Variants in PTBP3 observed in about 807,000 individuals in gnomAD.
PTBP3 encodes the protein polypyrimidine tract binding protein 3.
In PTBP3, 20 loss-of-function variants were observed where a neutral mutation model predicts 58.7. That is an observed-to-expected ratio of 0.34 (90% CI 0.24 to 0.50). The LOEUF is 0.50. Ranked by LOEUF, PTBP3 falls within the 20% of genes least tolerant of loss-of-function variation. The probability of loss-of-function intolerance (pLI) is 0.98; values close to 1 mark genes in which losing one functional copy is unlikely to be tolerated. For missense variants in PTBP3, 509 were observed against 637.2 expected, an observed-to-expected ratio of 0.80 and a Z score of 2.17; for synonymous variants, 185 against 219.8, an observed-to-expected ratio of 0.84 and a Z score of 1.40.
At chr9:112,277,034 A>C (rs573099672) in intron 2 of PTBP3, among the ~76,000 whole-genome samples, 7 of 152,360 alleles carry the variant, frequency 4.6e-5, no homozygotes, top group African/African-American at 1.7e-4. Flanking sequence ...GAAACTTTAC[A>C]ATCAAATGTC....
chr9:112,231,269 G>C (rs1835187606), intron 10 of PTBP3, 111 bp downstream of exon 10: 2 of 757,154 alleles, frequency 2.6e-6, no homozygotes, highest in East Asian at 5.8e-5. Flanking sequence ...TTTATCCTCA[G>C]TGTCAGCACA....
chr9:112,239,107 T>C (rs187108727), intron 7 of PTBP3, among the ~76,000 whole-genome samples: 2 of 152,298 alleles, frequency 1.3e-5, no homozygotes, highest in Admixed American at 1.3e-4. Flanking sequence ...AGTCCAAGTG[T>C]CCTAATTTCT....
Position 112,222,915 on chromosome 9 carries a change from CT to C in PTBP3, c.*935del. 3 of 877,884 alleles carry C rather than the reference CT, an allele frequency of 3.4e-6. No individual in the cohort carries two copies. The highest frequency in any genetic ancestry group is 4.1e-6 in the Non-Finnish European group (3 of 731,876). 54.4% of individuals were successfully genotyped at this position (877,884 alleles called of 1,614,324 possible). A position where few individuals can be genotyped will look rare whatever the true frequency, so the allele number is the denominator to read the frequency against. ...TAAAAGAAGACCTTACCAAAAATAA[CT>C]TTTAAAAAATCTGTCAAACCATATG... On this transcript the variant is annotated 3_prime_UTR_variant, in exon 14 of 14. Coordinates refer to ENST00000374257, the MANE Select transcript of PTBP3 (RefSeq NM_001163788.4).
the PTBP3 span, chr9:112,362,572 A>G: frequency 1.3e-5 from 2 of 153,654 alleles, 1 homozygote; most frequent in South Asian, 4.2e-4. Context: ...TTGGTGTCAT[A>G]TTTAAGAATC....
rs190923243 is a variant in PTBP3, at chr9:112,300,235, A to G, written c.-51-2319T>C. Among the ~76,000 whole-genome samples, 344 of 152,332 alleles carry G rather than the reference A, an allele frequency of 2.3e-3. 2 individuals are homozygous for G. Among genetic ancestry groups the G allele is most frequent in the Non-Finnish European group, 3.3e-3 (225 of 68,034 alleles). On this transcript the variant is annotated intron_variant, in intron 1 of 13. Coordinates refer to ENST00000374257, the MANE Select transcript of PTBP3 (RefSeq NM_001163788.4). ...TATATGAATATCCTAGGATCCTTAC[A>G]TAGTCTACTCCGATGCATAAACCCC...
At chr9:112,261,221 T>C (rs1836581079) in intron 5 of PTBP3, among the ~76,000 whole-genome samples, 1 of 152,224 alleles carries the variant, frequency 6.6e-6, no homozygotes, top group Non-Finnish European at 1.5e-5. Context: ...ATACCATTGC[T>C]AGAATCCTGT....
intron 2 of PTBP3, among the ~76,000 whole-genome samples, chr9:112,280,275 G>A (rs967878645): frequency 7.2e-5 from 11 of 152,168 alleles, no homozygotes; most frequent in Admixed American, 2.0e-4. Flanking sequence ...GGCTGGTCTC[G>A]AACTCCTGAC....
chr9:112,255,696 A>C (rs1197989451), intron 5 of PTBP3, among the ~76,000 whole-genome samples: 1 of 152,118 alleles, frequency 6.6e-6, no homozygotes, highest in Non-Finnish European at 1.5e-5. Flanking sequence ...TCACTTCCTG[A>C]CACTTCTTGT....
At chr9:112,379,166 G>T in the PTBP3 span, among the ~76,000 whole-genome samples, 1 of 152,258 alleles carries the variant, frequency 6.6e-6, no homozygotes, top group South Asian at 2.1e-4. Flanking sequence ...CTTCAGCGTG[G>T]GCGACAGCGA....
chr9:112,361,907 C>G, the PTBP3 span, among the ~76,000 whole-genome samples: 3 of 152,148 alleles, frequency 2.0e-5, no homozygotes, highest in Admixed American at 6.6e-5. Flanking sequence ...ACACTTGTTA[C>G]TTTCCTTTTT....
chr9:112,334,815 G>A (rs930438245), upstream of PTBP3, among the ~76,000 whole-genome samples: 4 of 152,180 alleles, frequency 2.6e-5, no homozygotes, highest in African/African-American at 4.8e-5. Flanking sequence ...GGTTCCAGCC[G>A]TCACTGTTGA....
upstream of PTBP3, among the ~76,000 whole-genome samples, chr9:112,337,623 T>C (rs1830588029): frequency 6.6e-6 from 1 of 152,246 alleles, no homozygotes; most frequent in Non-Finnish European, 1.5e-5. Flanking sequence ...AATTGCTCTG[T>C]GCTTTGAAAA....
chr9:112,254,671 A>C (rs184381853), intron 5 of PTBP3, among the ~76,000 whole-genome samples: 6 of 152,212 alleles, frequency 3.9e-5, no homozygotes, highest in African/African-American at 1.4e-4. Flanking sequence ...TCAAAACTAC[A>C]TATCACCTAA....
the PTBP3 span, among the ~76,000 whole-genome samples, chr9:112,353,908 A>G: frequency 6.6e-6 from 1 of 152,094 alleles, no homozygotes; most frequent in Non-Finnish European, 1.5e-5. Context: ...TAGTGAGCCA[A>G]GATCATGCCA....
At chr9:112,356,872 C>CTTTT in the PTBP3 span, among the ~76,000 whole-genome samples, 1 of 51,128 alleles carries the variant, frequency 2.0e-5, no homozygotes, top group Non-Finnish European at 3.7e-5. Context: ...ATTCATTTCC[C>CTTTT]TCTTTTTTTT....
At chr9:112,252,618 C>T in intron 6 of PTBP3, 60 bp downstream of exon 6, 1 of 1,249,656 alleles carries the variant, frequency 8.0e-7, no homozygotes, top group Non-Finnish European at 1.2e-6. Flanking sequence ...AAGTGGGGCA[C>T]AAGAGAAGGT....
the PTBP3 span, among the ~76,000 whole-genome samples, chr9:112,368,806 G>A: frequency 6.6e-6 from 1 of 152,182 alleles, no homozygotes; most frequent in African/African-American, 2.4e-5. Flanking sequence ...GGGGGAAAAT[G>A]TCTCCAGGGC....
At chr9:112,366,867 C>A in the PTBP3 span, among the ~76,000 whole-genome samples, 1 of 152,254 alleles carries the variant, frequency 6.6e-6, no homozygotes, top group African/African-American at 2.4e-5. Context: ...TCAATCCTAG[C>A]CTGTGAAAGC....
At chr9:112,273,295 C>T (rs139586125) in intron 3 of PTBP3, among the ~76,000 whole-genome samples, 274 of 152,312 alleles carry the variant, frequency 1.8e-3, no homozygotes, top group Non-Finnish European at 2.2e-3. Context: ...ACTTTGAAGC[C>T]ATTATCCACT....
Sources: allele counts gnomAD v4.1 joint callset (sites outside exome capture counted in the v4.1 genomes callset), GRCh38; gene constraint gnomAD v4.1.1; transcripts MANE v1.5; gene names NCBI Gene and HGNC (gene_info 2026-07-23, HGNC 2026-07-21).